Variants in MELK observed in about 807,000 individuals in gnomAD.
MELK encodes the protein maternal embryonic leucine zipper kinase, also known as pEg3 kinase.
Under a neutral mutation model 85.0 loss-of-function variants are expected in MELK, and 81 were observed. The observed-to-expected ratio is 0.95, with a 90% confidence interval of 0.80 to 1.15. The LOEUF is 1.15. Ranked by LOEUF, MELK falls within the 50% of genes most tolerant of loss-of-function variation. The probability of loss-of-function intolerance (pLI) is 0.00; values close to 1 mark genes in which losing one functional copy is unlikely to be tolerated. For missense variants in MELK, 754 were observed against 777.5 expected (o/e 0.97, Z 0.36); for synonymous variants, 252 against 265.0 (o/e 0.95, Z 0.48).
intron 7 of MELK, among the ~76,000 whole-genome samples, chr9:36,603,519 C>A (rs1252122275): frequency 1.3e-5 from 2 of 151,780 alleles, no homozygotes; most frequent in African/African-American, 2.4e-5. Context: ...GTAGCCTTTA[C>A]CTCCTAGACT....
intron 10 of MELK, among the ~76,000 whole-genome samples, chr9:36,641,122 T>C (rs1046383133): frequency 3.9e-5 from 6 of 152,024 alleles, no homozygotes; most frequent in Non-Finnish European, 5.9e-5. Context: ...AAAGTGGAGG[T>C]TGGCGGAACT....
chr9:36,612,981 C>G (rs1432620298), intron 8 of MELK, among the ~76,000 whole-genome samples: 1 of 152,306 alleles, frequency 6.6e-6, no homozygotes, highest in Admixed American at 6.5e-5. Flanking sequence ...CTAGTGGCCT[C>G]TTTCTCATCT....
At chr9:36,589,429 G>A in intron 3 of MELK, 107 bp from the exon 4 acceptor site, 1 of 847,744 alleles carries the variant, frequency 1.2e-6, no homozygotes, top group African/African-American at 1.7e-5. Flanking sequence ...TTACAGGTGT[G>A]AGCCACCGTG....
chr9:36,624,676 T>C (rs1157499576), intron 8 of MELK, among the ~76,000 whole-genome samples: 1 of 152,202 alleles, frequency 6.6e-6, no homozygotes, highest in Non-Finnish European at 1.5e-5. Context: ...GGAATCAGTA[T>C]GGTAGAGCTC....
intron 3 of MELK, among the ~76,000 whole-genome samples, chr9:36,588,864 G>A (rs1158889934): frequency 2.6e-5 from 4 of 152,138 alleles, no homozygotes; most frequent in Admixed American, 6.6e-5. Context: ...TTTCACCTAA[G>A]TTCACTGGTT....
Position 36,677,360 on chromosome 9 carries a change from CG to C in MELK, c.*25del. On this transcript the variant is annotated 3_prime_UTR_variant, in exon 18 of 18. Coordinates refer to ENST00000298048, the MANE Select transcript of MELK (RefSeq NM_014791.4). ...TAATTGATGGATTCTTCCATCCTGC[CG>C]GATGAGTGTGGGTGTGATACAGCCT... 1.3e-6 allele frequency: 2 copies of C among 1,596,604 alleles called. No individual in the cohort carries two copies. The highest frequency in any genetic ancestry group is 1.3e-5 in the African/African-American group (1 of 74,696).
At chr9:36,636,960 G>A (rs772525649) in intron 10 of MELK, among the ~76,000 whole-genome samples, 19 of 151,578 alleles carry the variant, frequency 1.3e-4, no homozygotes, top group Non-Finnish European at 2.1e-4. Flanking sequence ...TCGGCCTCCC[G>A]AGTAGCTGGG....
chr9:36,585,394 C>T (rs577152015), intron 3 of MELK, among the ~76,000 whole-genome samples: 5 of 147,692 alleles, frequency 3.4e-5, no homozygotes, highest in Admixed American at 1.4e-4. Flanking sequence ...GCGACCTCTG[C>T]CTCCTGGGTT....
chr9:36,581,732 T>C lies in MELK; in HGVS notation c.51T>C (p.Ile17=), dbSNP rs202138204. 7 of 1,592,550 alleles carry C rather than the reference T, an allele frequency of 4.4e-6. No individual in the cohort carries two copies. The African/African-American group carries it at 6.7e-5, about 15-fold the overall frequency. ...AATATTATGAATTACATGAAACTAT[T>C]GGGACAGGTAATTGTTATTTTTTTT... ...LLKYYELHET[I]GTGGFAKVKL... The change falls in exon 2 of 18, where the codon ATT becomes ATC. Residue 17 remains isoleucine (I), a synonymous_variant. Transcript: ENST00000298048.
chr9:36,636,875 C>G (rs1023379259), intron 10 of MELK, among the ~76,000 whole-genome samples: 10 of 151,466 alleles, frequency 6.6e-5, no homozygotes, highest in African/African-American at 2.2e-4. Flanking sequence ...CTCACTCTGT[C>G]ACCCAGGCTG....
At position 36,671,017 on chromosome 9, in the gene MELK, G is replaced by T. The variant is rs770629729; in HGVS notation, c.1525G>T (p.Asp509Tyr). 2.5e-6 allele frequency: 4 copies of T among 1,610,706 alleles called. No homozygotes were observed. In the East Asian group the frequency reaches 6.7e-5, roughly 27 times the overall value. Reference sequence around the variant, plus strand: ...TTTCAGGTGCCGCTCAGTGGAATTGGATCTCAACCAAGCACATATGGAGGA... The same window carrying T: ...TTTCAGGTGCCGCTCAGTGGAATTGTATCTCAACCAAGCACATATGGAGGA... ...PERRCRSVEL[D>Y]LNQAHMEETP... The change falls in exon 16 of 18, where the codon GAT becomes TAT. Residue 509 changes from aspartate (D) to tyrosine (Y), a missense_variant. Physicochemically the swap from Asp to Tyr is radical, Grantham distance 160. Transcript: ENST00000298048.
In MELK at chr9:36,599,013, G is replaced by A. The variant is rs144512994; in HGVS notation, c.475-381G>A. ...TGCTTGTGCTCAAATAATTTTTATC[G>A]GCCAGGCGTGGTGGCTCATTGCCTG... On this transcript the variant is annotated intron_variant, in intron 6 of 17. Transcript: ENST00000298048. 5.3e-3 allele frequency among the ~76,000 whole-genome samples: 811 copies of A among 152,148 alleles called. 5 individuals are homozygous for A. The highest frequency in any genetic ancestry group is 7.8e-3 in the Non-Finnish European group (530 of 67,992).
chr9:36,618,850 T>C (rs1366248902), intron 8 of MELK, among the ~76,000 whole-genome samples: 1 of 152,190 alleles, frequency 6.6e-6, no homozygotes, highest in Non-Finnish European at 1.5e-5. Context: ...TGCCGATCCA[T>C]GTACTAAATA....
At chr9:36,582,248 A>G (rs917094053) in intron 2 of MELK, among the ~76,000 whole-genome samples, 1 of 152,018 alleles carries the variant, frequency 6.6e-6, no homozygotes, top group Non-Finnish European at 1.5e-5. Context: ...GATTACAGGC[A>G]TGAGCCACCG....
intron 13 of MELK, among the ~76,000 whole-genome samples, chr9:36,664,690 C>A (rs1205490846): frequency 1.3e-5 from 2 of 152,136 alleles, no homozygotes; most frequent in Non-Finnish European, 2.9e-5. Flanking sequence ...TTAATTTTAG[C>A]TATAGCCCTT....
chr9:36,575,942 C>T (rs765103323), intron 1 of MELK, among the ~76,000 whole-genome samples: 73 of 152,170 alleles, frequency 4.8e-4, no homozygotes, highest in Non-Finnish European at 7.3e-4. Flanking sequence ...ATTTCTGAGC[C>T]TTAGGTTGAC....
intron 7 of MELK, among the ~76,000 whole-genome samples, chr9:36,601,218 C>G (rs1824887226): frequency 6.6e-6 from 1 of 151,888 alleles, no homozygotes; most frequent in Non-Finnish European, 1.5e-5. Context: ...CAATAATGTC[C>G]TTTATAGTTT....
At chr9:36,590,803 G>T (rs950044889) in intron 4 of MELK, among the ~76,000 whole-genome samples, 2 of 152,098 alleles carry the variant, frequency 1.3e-5, no homozygotes, top group African/African-American at 2.4e-5. Context: ...ATTTTGGCCG[G>T]GTCCTCTCAT....
Position 36,657,341 on chromosome 9 carries a change from C to T in MELK, c.1154C>T (p.Ala385Val). The T allele has an allele frequency of 6.2e-7, 1 of 1,611,290 alleles. No individual in the cohort carries two copies. Among genetic ancestry groups the T allele is most frequent in the Non-Finnish European group, 8.5e-7 (1 of 1,179,304 alleles). ...DWCEDDLSTG[A>V]ATPRTSQFTK... Reference sequence around the variant, plus strand: ...TGTGAAGATGATTTATCAACAGGTGCTGCTACTCCCCGAACATCACAGGTT... The same window carrying T: ...TGTGAAGATGATTTATCAACAGGTGTTGCTACTCCCCGAACATCACAGGTT... The change falls in exon 13 of 18, where the codon GCT becomes GTT. Residue 385 changes from alanine (A) to valine (V), a missense_variant. By Grantham distance (64) the Ala-to-Val change is moderately conservative (BLOSUM62 0). Transcript: ENST00000298048.
Sources: allele counts gnomAD v4.1 joint callset (sites outside exome capture counted in the v4.1 genomes callset), GRCh38; gene constraint gnomAD v4.1.1; transcripts MANE v1.5; gene names NCBI Gene and HGNC (gene_info 2026-07-23, HGNC 2026-07-21).